The following WDR27 variants were observed in gnomAD, a reference collection of about 807,000 sequenced individuals.
WDR27 encodes the protein WD repeat-containing protein 27.
A neutral mutation model predicts 114.4 loss-of-function variants in WDR27; 100 were observed. The observed-to-expected ratio is 0.87, with a 90% CI of 0.74 to 1.03. WDR27 has a LOEUF of 1.03. Among genes scored for constraint, WDR27 ranks in the 50% least tolerant of loss-of-function variants. The probability of loss-of-function intolerance (pLI) is 0.00; values close to 1 mark genes in which losing one functional copy is unlikely to be tolerated. For synonymous variants in WDR27, 449 were observed against 423.1 expected (o/e 1.06, Z -0.75); for missense variants, 1,129 against 1,092.9 (o/e 1.03, Z -0.47).
intron 25 of WDR27, among the ~76,000 whole-genome samples, chr6:169,514,588 G>A (rs566079326): frequency 6.8e-5 from 10 of 147,162 alleles, no homozygotes; most frequent in Admixed American, 3.4e-4. Context: ...ATATGTCTAG[G>A]TCAATAATAA....
chr6:169,597,877 TACACACACACACACACACAC>T (rs67336814), intron 23 of WDR27, among the ~76,000 whole-genome samples: 22 of 142,288 alleles, frequency 1.5e-4, no homozygotes, highest in African/African-American at 5.5e-4. Flanking sequence ...TTACCATTCA[TACACACACACACACACACAC>T]ACACACACAC....
intron 23 of WDR27, among the ~76,000 whole-genome samples, chr6:169,599,071 TTGG>T (rs1294116598): frequency 1.3e-5 from 2 of 152,188 alleles, no homozygotes; most frequent in Non-Finnish European, 1.5e-5. Flanking sequence ...ATGTGCCATG[TTGG>T]TGTGCTGCAC....
chr6:169,595,063 G>A (rs1391985295), intron 23 of WDR27, among the ~76,000 whole-genome samples: 1 of 152,198 alleles, frequency 6.6e-6, no homozygotes, highest in African/African-American at 2.4e-5. Flanking sequence ...CTATGTGGAA[G>A]GCTGGGGCAA....
chr6:169,591,724 G>A (rs2867158), intron 23 of WDR27, among the ~76,000 whole-genome samples: 72,763 of 151,970 alleles, frequency 0.48, 21,371 homozygotes, highest in Non-Finnish European at 0.67. Context: ...AACAGAATAC[G>A]GCACAGGTGT....
At chr6:169,465,030 G>A (rs1234234313) in intron 25 of WDR27, among the ~76,000 whole-genome samples, 2 of 151,576 alleles carry the variant, frequency 1.3e-5, no homozygotes, top group Non-Finnish European at 2.9e-5. Context: ...AGGCCAAGGT[G>A]GGCAGATCAC....
intron 25 of WDR27, among the ~76,000 whole-genome samples, chr6:169,533,027 A>C (rs568676139): frequency 3.4e-4 from 52 of 152,322 alleles, no homozygotes; most frequent in African/African-American, 1.2e-3. Flanking sequence ...TCAAGAGATC[A>C]AAGTCTGTAG....
chr6:169,597,938 C>T (rs1372885947), intron 23 of WDR27, among the ~76,000 whole-genome samples: 3 of 150,838 alleles, frequency 2.0e-5, no homozygotes, highest in Admixed American at 1.3e-4. Flanking sequence ...CTCTGTATGG[C>T]CTTTGCCTGA....
chr6:169,445,875 CTGAG>C, the WDR27 span, among the ~76,000 whole-genome samples: 41 of 152,338 alleles, frequency 2.7e-4, no homozygotes, highest in Admixed American at 2.4e-3. Context: ...CGAGCCCTGA[CTGAG>C]TCTTTGCAGG....
At chr6:169,438,577 A>C in the WDR27 span, among the ~76,000 whole-genome samples, 1 of 152,116 alleles carries the variant, frequency 6.6e-6, no homozygotes, top group Non-Finnish European at 1.5e-5. Flanking sequence ...TCCCCTGATC[A>C]AGGTACTGGT....
At chr6:169,583,494 TATATATATATGTATATATACACACACAC>T (rs1562630304) in intron 23 of WDR27, among the ~76,000 whole-genome samples, 547 of 25,610 alleles carry the variant, frequency 0.021, 5 homozygotes, top group Non-Finnish European at 0.094. Flanking sequence ...TATACATATA[TATATATATATGTATATATACACACACAC>T]ACACACACAC....
chr6:169,501,155 C>T (rs537121366), intron 25 of WDR27, among the ~76,000 whole-genome samples: 1 of 152,234 alleles, frequency 6.6e-6, no homozygotes, highest in Non-Finnish European at 1.5e-5. Flanking sequence ...TTCTTTTCAC[C>T]CACTTTGATC....
intron 25 of WDR27, among the ~76,000 whole-genome samples, chr6:169,462,542 G>A (rs2115277925): frequency 6.6e-6 from 1 of 150,938 alleles, no homozygotes; most frequent in Middle Eastern, 3.4e-3. Flanking sequence ...GGCTTTGCCA[G>A]TGAATTCTAC....
chr6:169,429,313 G>A, the WDR27 span, among the ~76,000 whole-genome samples: 1 of 152,206 alleles, frequency 6.6e-6, no homozygotes, highest in East Asian at 1.9e-4. Flanking sequence ...TGGTTGGTTT[G>A]CTTCAGCCGC....
At chr6:169,508,563 CTA>C (rs539096709) in intron 25 of WDR27, among the ~76,000 whole-genome samples, 8 of 152,070 alleles carry the variant, frequency 5.3e-5, no homozygotes, top group African/African-American at 9.7e-5. Flanking sequence ...AAATTAGTCT[CTA>C]TGAATTGTCT....
At chr6:169,450,198 G>T in the WDR27 span, among the ~76,000 whole-genome samples, 1 of 152,212 alleles carries the variant, frequency 6.6e-6, no homozygotes. Context: ...TCTGCATGAA[G>T]GAGTCCGACA....
Position 169,605,107 on chromosome 6 carries a change from G to GAAAAAAA in WDR27, c.2322-2787_2322-2786insTTTTTTT, listed in dbSNP as rs1562675799. On this transcript the variant is annotated intron_variant, in intron 22 of 25. Coordinates refer to ENST00000448612, the MANE Select transcript of WDR27 (RefSeq NM_182552.5). ...TAGAAGTCCTAGCCAGAGCAATTAG[G>GAAAAAAA]CAAAAAAAAAAAAAAAAGTTTTTTT... is the stretch of plus-strand genomic sequence containing the variant. Among the ~76,000 whole-genome samples the GAAAAAAA allele has an allele frequency of 3.4e-4, 11 of 32,356 alleles. No homozygotes were observed. The East Asian group carries it at 0.022, about 66-fold the overall frequency. 21.2% of individuals were successfully genotyped at this position (32,356 alleles called of 152,430 possible). A position where few individuals can be genotyped will look rare whatever the true frequency, so the allele number is the denominator to read the frequency against.
At chr6:169,654,776 G>A (rs934376599) in intron 13 of WDR27, among the ~76,000 whole-genome samples, 2 of 151,994 alleles carry the variant, frequency 1.3e-5, no homozygotes, top group African/African-American at 4.8e-5. Context: ...ACAGCAGAAG[G>A]AGGCGCGTTC....
chr6:169,514,440 A>T (rs1201470171), intron 25 of WDR27, among the ~76,000 whole-genome samples: 2 of 148,918 alleles, frequency 1.3e-5, no homozygotes, highest in East Asian at 4.0e-4. Context: ...GTAATAAACT[A>T]TTGTTAATAT....
Position 169,580,866 on chromosome 6 carries a change from A to T in WDR27, c.2523+1970T>A, listed in dbSNP as rs568431877. 4.0e-5 allele frequency among the ~76,000 whole-genome samples: 6 copies of T among 150,744 alleles called. No homozygotes were observed. In the South Asian group the frequency reaches 6.3e-4, roughly 16 times the overall value. On this transcript the variant is annotated intron_variant, in intron 24 of 25. Coordinates refer to ENST00000448612, the MANE Select transcript of WDR27 (RefSeq NM_182552.5). ...ATATCAGTAAAGAAAGGAAATTTTT[A>T]AAAATAAGGAACCAGCCAAATTTTT...
Sources: allele counts gnomAD v4.1 joint callset (sites outside exome capture counted in the v4.1 genomes callset), GRCh38; gene constraint gnomAD v4.1.1; transcripts MANE v1.5; gene names NCBI Gene and HGNC (gene_info 2026-07-23, HGNC 2026-07-21).